The following SUSD6 variants were observed in gnomAD, a reference collection of about 807,000 sequenced individuals.
SUSD6 encodes the protein sushi domain containing 6.
SUSD6 carries 16 observed loss-of-function variants against 28.4 expected under a neutral mutation model. The observed-to-expected ratio is 0.56, with a 90% confidence interval of 0.38 to 0.86. SUSD6 has a LOEUF of 0.86. SUSD6 is among the 40% of genes least tolerant of loss of function. The pLI is 0.00. For synonymous variants in SUSD6, 147 were observed against 159.6 expected, an observed-to-expected ratio of 0.92 and a Z score of 0.59; for missense variants, 341 against 384.2, an observed-to-expected ratio of 0.89 and a Z score of 0.94.
chr14:69,701,705 G>C (rs528734091), intron 2 of SUSD6, among the ~76,000 whole-genome samples: 11 of 152,236 alleles, frequency 7.2e-5, no homozygotes, highest in East Asian at 3.9e-4. Flanking sequence ...AGGGGACTTG[G>C]GGGGAGCTTA....
At chr14:69,710,342 A>G (rs3784151) in intron 5 of SUSD6, among the ~76,000 whole-genome samples, 4,861 of 152,328 alleles carry the variant, frequency 0.032, 101 homozygotes, top group Middle Eastern at 0.068. Flanking sequence ...GAAATGTGCT[A>G]TCTTCCTGCA....
At chr14:69,663,523 C>T (rs2139617965) in intron 2 of SUSD6, among the ~76,000 whole-genome samples, 1 of 152,290 alleles carries the variant, frequency 6.6e-6, no homozygotes, top group Middle Eastern at 3.4e-3. Context: ...ACCCTCGAGT[C>T]AGAGAGAATG....
chr14:69,647,703 G>C (rs1885448201), intron 1 of SUSD6, among the ~76,000 whole-genome samples: 1 of 152,026 alleles, frequency 6.6e-6, no homozygotes, highest in African/African-American at 2.4e-5. Flanking sequence ...TCAGGATTTG[G>C]GCTGGGTACA....
intron 4 of SUSD6, among the ~76,000 whole-genome samples, chr14:69,708,082 CTT>C (rs1322712221): frequency 6.6e-6 from 1 of 152,130 alleles, no homozygotes. Flanking sequence ...AGTTTACAAA[CTT>C]TTAAAAAAAG....
chr14:69,664,586 A>C (rs553626178), intron 2 of SUSD6, among the ~76,000 whole-genome samples: 1 of 152,300 alleles, frequency 6.6e-6, no homozygotes, highest in Non-Finnish European at 1.5e-5. Context: ...AGTGTCATGA[A>C]AAGGCATTGA....
At chr14:69,700,029 G>A (rs1886292040) in intron 2 of SUSD6, among the ~76,000 whole-genome samples, 1 of 152,084 alleles carries the variant, frequency 6.6e-6, no homozygotes. Flanking sequence ...CATGTTGCCT[G>A]GTCCTTACTG....
chr14:69,680,016 G>T (rs1352168334), intron 2 of SUSD6, among the ~76,000 whole-genome samples: 1 of 152,162 alleles, frequency 6.6e-6, no homozygotes, highest in Non-Finnish European at 1.5e-5. Flanking sequence ...TGGGAATAGG[G>T]ATTTAGCCAC....
At chr14:69,676,544 T>A (rs1026629883) in intron 2 of SUSD6, among the ~76,000 whole-genome samples, 3 of 152,186 alleles carry the variant, frequency 2.0e-5, no homozygotes, top group Non-Finnish European at 4.4e-5. Flanking sequence ...CATGCCTGGC[T>A]AATGTTTTTA....
chr14:69,657,643 A>G (rs939654855), intron 1 of SUSD6, among the ~76,000 whole-genome samples: 2 of 152,228 alleles, frequency 1.3e-5, no homozygotes, highest in African/African-American at 4.8e-5. Flanking sequence ...GTAAACTAAA[A>G]TAACTGGCAA....
rs372597193 is a variant in SUSD6 at position 69,629,094 on chromosome 14, A to G, written c.-81+17266A>G. Among the ~76,000 whole-genome samples the G allele has an allele frequency of 1.6e-3, 236 of 152,120 alleles. 4 individuals are homozygous for G. The South Asian group carries it at 0.047, about 30-fold the overall frequency. ...AGGTGGTGAGGGAGGCAGAGAACAA[A>G]TGCCTGGAGAGAGGAGGGTAGGGCC... On this transcript the variant is annotated intron_variant, in intron 1 of 5. Transcript: ENST00000342745.
Position 69,701,815 on chromosome 14 carries a change from A to T in SUSD6, c.122-1580A>T, listed in dbSNP as rs564969621. On this transcript the variant is annotated intron_variant, in intron 2 of 5. Transcript: ENST00000342745. ...TTGTTAATAGCTTTTTAAAAATGGCATCTTTTTTTTAGTGGCATCACCTAA... is the reference window on the plus strand; with the variant it reads ...TTGTTAATAGCTTTTTAAAAATGGCTTCTTTTTTTTAGTGGCATCACCTAA... Among the ~76,000 whole-genome samples, 18 of 152,230 alleles carry T rather than the reference A, an allele frequency of 1.2e-4. No homozygotes were observed. In the East Asian group the frequency reaches 3.5e-3, roughly 29 times the overall value.
intron 2 of SUSD6, among the ~76,000 whole-genome samples, chr14:69,692,814 G>T (rs940559437): frequency 2.0e-5 from 3 of 152,128 alleles, no homozygotes; most frequent in Non-Finnish European, 4.4e-5. Flanking sequence ...GTTATCACCT[G>T]CTCATCAGCT....
At chr14:69,633,766 C>T (rs1454200263) in intron 1 of SUSD6, among the ~76,000 whole-genome samples, 1 of 152,202 alleles carries the variant, frequency 6.6e-6, no homozygotes, top group African/African-American at 2.4e-5. Context: ...GCCTCCTCAA[C>T]TCCACTGAAA....
At chr14:69,644,097 T>C (rs960572787) in intron 1 of SUSD6, among the ~76,000 whole-genome samples, 3 of 152,310 alleles carry the variant, frequency 2.0e-5, no homozygotes, top group African/African-American at 7.2e-5. Context: ...CTTATATATA[T>C]ACACAATATA....
chr14:69,708,948 T>C lies in SUSD6; in HGVS notation c.730T>C (p.Ser244Pro), dbSNP rs1206539366. 2 of 1,614,048 alleles carry C rather than the reference T, an allele frequency of 1.2e-6. No homozygotes were observed. The highest frequency in any genetic ancestry group is 1.3e-5 in the African/African-American group (1 of 74,928). Residue 244 changes from serine to proline, a missense_variant, in exon 5 of 6, where the codon TCT becomes CCT. Physicochemically the swap from Ser to Pro is moderately conservative, Grantham distance 74. Coordinates refer to ENST00000342745, the MANE Select transcript of SUSD6 (RefSeq NM_014734.4). Reference sequence around the variant, plus strand: ...GTCTGGACTATGTGAAGCCTGGGGCTCTCGGGCCTCAGAGACTGTGATGGT... The same window carrying C: ...GTCTGGACTATGTGAAGCCTGGGGCCCTCGGGCCTCAGAGACTGTGATGGT... Reference protein sequence around the residue: ...GQSGLCEAWGSRASETVMVHQ... With the variant: ...GQSGLCEAWGPRASETVMVHQ...
At chr14:69,620,553 G>A (rs1386009482) in intron 1 of SUSD6, among the ~76,000 whole-genome samples, 1 of 152,202 alleles carries the variant, frequency 6.6e-6, no homozygotes, top group African/African-American at 2.4e-5. Flanking sequence ...TAGTGTTGGA[G>A]GAATTTTTTG....
At chr14:69,626,764 C>T (rs10150246) in intron 1 of SUSD6, among the ~76,000 whole-genome samples, 5,212 of 151,886 alleles carry the variant, frequency 0.034, 306 homozygotes, top group African/African-American at 0.12. Context: ...ACTATAGCTT[C>T]GAACTCCTGG....
intron 1 of SUSD6, among the ~76,000 whole-genome samples, chr14:69,637,940 T>TA (rs1347430206): frequency 6.6e-6 from 1 of 152,134 alleles, no homozygotes; most frequent in Non-Finnish European, 1.5e-5. Flanking sequence ...AGTGCTCAGT[T>TA]ATGCTATGCT....
At chr14:69,673,999 G>A (rs77961327) in intron 2 of SUSD6, among the ~76,000 whole-genome samples, 7,097 of 152,218 alleles carry the variant, frequency 0.047, 207 homozygotes, top group East Asian at 0.15. Flanking sequence ...TTTTTTCCGT[G>A]TATGAGAACT....
Sources: allele counts gnomAD v4.1 joint callset (sites outside exome capture counted in the v4.1 genomes callset), GRCh38; gene constraint gnomAD v4.1.1; transcripts MANE v1.5; gene names NCBI Gene and HGNC (gene_info 2026-07-23, HGNC 2026-07-21).